Variants in WDR17 observed in about 807,000 individuals in gnomAD.
WDR17 encodes the protein WD repeat domain 17, also known as WD repeat-containing protein 17.
In WDR17, 143 loss-of-function variants were observed where a neutral mutation model predicts 161.7. The ratio of observed to expected loss-of-function variants is 0.88; its 90% CI spans 0.77 to 1.02. The LOEUF (loss-of-function observed/expected upper bound fraction) is 1.02, where lower values mean the gene tolerates loss of function less well. WDR17 is among the 50% of genes least tolerant of loss of function. The pLI, the probability that WDR17 is intolerant of heterozygous loss-of-function variation, is 0.00. For synonymous variants in WDR17, 517 were observed against 515.6 expected (o/e 1.00, Z -0.04); for missense variants, 1,469 against 1,520.9 (o/e 0.97, Z 0.57).
intron 1 of WDR17, among the ~76,000 whole-genome samples, chr4:176,088,086 T>C (rs1735648976): frequency 6.6e-6 from 1 of 152,124 alleles, no homozygotes; most frequent in Non-Finnish European, 1.5e-5. Context: ...TCAAGTGATC[T>C]GCCCTCCTTG....
chr4:176,080,349 G>A (rs945842557), intron 1 of WDR17, among the ~76,000 whole-genome samples: 2 of 151,778 alleles, frequency 1.3e-5, no homozygotes, highest in African/African-American at 4.8e-5. Context: ...TGGGATCACC[G>A]AGAGAACCGG....
rs181359483 is a variant in WDR17, at chr4:176,090,967, C to T, written c.-6-20608C>T. On this transcript the variant is annotated intron_variant, in intron 1 of 28. Transcript: ENST00000508596. ...CATGCTGTTGTTTGTGGCTTAAGAA[C>T]GCCTTAAGTGGTTTTCCACCCTGGG... Among the ~76,000 whole-genome samples, 730 of 152,322 alleles carry T rather than the reference C, an allele frequency of 4.8e-3. 2 individuals carry two copies. Among genetic ancestry groups the T allele is most frequent in the Non-Finnish European group, 7.8e-3 (534 of 68,034 alleles).
chr4:176,125,089 T>C lies in WDR17; in HGVS notation c.539-15T>C. ...TGCAAGTTTTTTGGAAATAATTATC[T>C]CTGTATTTTAACAGGTAATAAAAAT... On this transcript the variant is annotated splice_polypyrimidine_tract_variant and intron_variant, in intron 4 of 28. Transcript: ENST00000508596. 6.2e-7 allele frequency: 1 copy of C among 1,611,012 alleles called. No homozygotes were observed. The highest frequency in any genetic ancestry group is 1.3e-5 in the African/African-American group (1 of 74,844).
At chr4:176,154,991 T>TATA (rs1169255077) in intron 17 of WDR17, among the ~76,000 whole-genome samples, 1 of 152,150 alleles carries the variant, frequency 6.6e-6, no homozygotes, top group Non-Finnish European at 1.5e-5. Context: ...AGACAAGTAT[T>TATA]ATATTATCAG....
At chr4:176,158,514 G>A (rs1045264089) in intron 18 of WDR17, among the ~76,000 whole-genome samples, 19 of 152,146 alleles carry the variant, frequency 1.2e-4, no homozygotes, top group African/African-American at 4.1e-4. Flanking sequence ...CAAATGGCAC[G>A]AAGATCATTA....
At chr4:176,141,517 C>G (rs908819414) in intron 10 of WDR17, among the ~76,000 whole-genome samples, 5 of 152,166 alleles carry the variant, frequency 3.3e-5, no homozygotes, top group Non-Finnish European at 5.9e-5. Flanking sequence ...GCAACCTTCA[C>G]CTCCTGGGTT....
intron 12 of WDR17, among the ~76,000 whole-genome samples, chr4:176,147,612 A>G (rs147271231): frequency 0.012 from 1,792 of 152,328 alleles, 19 homozygotes; most frequent in Non-Finnish European, 0.019. Context: ...ATCTTAATAT[A>G]TTAAATTACT....
chr4:176,116,567 A>G (rs572834696), intron 3 of WDR17, among the ~76,000 whole-genome samples: 1 of 152,012 alleles, frequency 6.6e-6, no homozygotes. Flanking sequence ...TCAGTGTCAC[A>G]ATAATTAACT....
rs776049113 is a variant in WDR17, at chr4:176,156,158, G to A, written c.2525+15G>A. The A allele has an allele frequency of 1.2e-6, 2 of 1,610,538 alleles. No homozygotes were observed. The highest frequency in any genetic ancestry group is 1.7e-6 in the Non-Finnish European group (2 of 1,178,338). ...TTAATGCAGAGGTAAGGCAGAGAGA[G>A]TCCGTGTTAAAACAGATGTTTTAAA... On this transcript the variant is annotated intron_variant, in intron 18 of 28. Transcript: ENST00000508596.
chr4:176,068,608 TAAAGA>T (rs1732820417), intron 1 of WDR17, among the ~76,000 whole-genome samples: 1 of 152,070 alleles, frequency 6.6e-6, no homozygotes, highest in African/African-American at 2.4e-5. Flanking sequence ...TCAAAAAAAT[TAAAGA>T]AAAGAAAAAG....
intron 1 of WDR17, among the ~76,000 whole-genome samples, chr4:176,109,019 G>A (rs1014842622): frequency 1.1e-4 from 16 of 152,054 alleles, no homozygotes; most frequent in African/African-American, 3.1e-4. Context: ...TGAACTCCTG[G>A]GTTCAAGCGA....
chr4:176,160,800 A>G, intron 19 of WDR17, 111 bp from the exon 20 acceptor site: 1 of 837,968 alleles, frequency 1.2e-6, no homozygotes, highest in Non-Finnish European at 1.8e-6. Context: ...TCCAAATTAT[A>G]GTATAAATTT....
rs948801847 is a variant in WDR17 at position 176,128,862 on chromosome 4, T to C, written c.913+2T>C. The C allele has an allele frequency of 3.2e-6, 5 of 1,564,040 alleles. No individual in the cohort carries two copies. In the South Asian group the frequency reaches 3.6e-5, roughly 11 times the overall value. ...TTAATTCTCCTCCAAGAAAAAAGTG[T>C]AAGTAAAAATGTTATCAAAATTTTA... On this transcript the variant is annotated splice_donor_variant, in intron 6 of 28. Coordinates refer to ENST00000508596, the MANE Select transcript of WDR17 (RefSeq NM_181265.4). LOFTEE classifies it high-confidence loss of function.
intron 1 of WDR17, among the ~76,000 whole-genome samples, chr4:176,082,329 G>T (rs1329905983): frequency 6.6e-6 from 1 of 152,028 alleles, no homozygotes; most frequent in Non-Finnish European, 1.5e-5. Context: ...TACTCGGGGT[G>T]ATGAAACATG....
chr4:176,160,534 C>T (rs922453785), intron 19 of WDR17, among the ~76,000 whole-genome samples: 27 of 152,130 alleles, frequency 1.8e-4, no homozygotes, highest in Non-Finnish European at 2.8e-4. Context: ...GTTGGCCAGG[C>T]TGGTCTCAAA....
At chr4:176,106,408 G>A (rs1439779537) in intron 1 of WDR17, among the ~76,000 whole-genome samples, 1 of 152,012 alleles carries the variant, frequency 6.6e-6, no homozygotes, top group African/African-American at 2.4e-5. Context: ...ATGGTGCTGG[G>A]AAAACGAAAT....
At chr4:176,147,303 A>T (rs1421582124) in intron 12 of WDR17, among the ~76,000 whole-genome samples, 1 of 152,196 alleles carries the variant, frequency 6.6e-6, no homozygotes, top group Non-Finnish European at 1.5e-5. Context: ...ATCTGTGACT[A>T]AAAAATTATT....
intron 1 of WDR17, among the ~76,000 whole-genome samples, chr4:176,076,214 A>AAT (rs1219401869): frequency 0.066 from 4,032 of 61,014 alleles, 69 homozygotes; most frequent in East Asian, 0.076. Flanking sequence ...TTACATATAT[A>AAT]ATATATATAT....
intron 1 of WDR17, among the ~76,000 whole-genome samples, chr4:176,087,912 C>T (rs1286132710): frequency 2.0e-5 from 3 of 151,898 alleles, no homozygotes; most frequent in Non-Finnish European, 2.9e-5. Context: ...GGCGCGATCT[C>T]GGCTCACTGC....
Sources: allele counts gnomAD v4.1 joint callset (sites outside exome capture counted in the v4.1 genomes callset), GRCh38; gene constraint gnomAD v4.1.1; transcripts MANE v1.5; gene names NCBI Gene and HGNC (gene_info 2026-07-23, HGNC 2026-07-21).